Variants in FAAP100 observed in about 807,000 individuals in gnomAD.
The protein encoded by FAAP100 is FA core complex associated protein 100, also known as Fanconi anemia core complex-associated protein 100.
Under a neutral mutation model 65.8 loss-of-function variants are expected in FAAP100, and 46 were observed. That is an observed-to-expected ratio of 0.70 (90% CI 0.55 to 0.89). FAAP100 has a LOEUF of 0.89. FAAP100 is among the 40% of genes least tolerant of loss of function. The pLI, the probability that FAAP100 is intolerant of heterozygous loss-of-function variation, is 0.00. For synonymous variants in FAAP100, 663 were observed against 555.1 expected, an observed-to-expected ratio of 1.19 and a Z score of -2.73; for missense variants, 1,165 against 1,196.7, an observed-to-expected ratio of 0.97 and a Z score of 0.39.
Position 81,540,669 on chromosome 17 carries a change from TTCA to T in FAAP100, c.*147_*149del. On this transcript the variant is annotated 3_prime_UTR_variant, in exon 9 of 9. Coordinates refer to ENST00000327787, the MANE Select transcript of FAAP100 (RefSeq NM_025161.6). Reference sequence around the variant, plus strand: ...TTGTGCTCCACGGCCTCCAAGCACTTTCATGAGCGTTCTGCTCCTACGTGGCCA... The same window carrying T: ...TTGTGCTCCACGGCCTCCAAGCACTTTGAGCGTTCTGCTCCTACGTGGCCA... 2 of 1,090,784 alleles carry T rather than the reference TTCA, an allele frequency of 1.8e-6. No individual in the cohort carries two copies. The highest frequency in any genetic ancestry group is 2.5e-6 in the Non-Finnish European group (2 of 815,038). 67.6% of individuals were successfully genotyped at this position (1,090,784 alleles called of 1,614,324 possible).
rs1282563204 is a variant in FAAP100, at chr17:81,539,958, C to T, written c.*861G>A. Reference sequence around the variant, plus strand: ...TCACGGCTCCTACCCGCACTCATCGCGGACAGTGCCTGCAGCGGGAGCGGC... The same window carrying T: ...TCACGGCTCCTACCCGCACTCATCGTGGACAGTGCCTGCAGCGGGAGCGGC... On this transcript the variant is annotated 3_prime_UTR_variant, in exon 9 of 9. Coordinates refer to ENST00000327787, the MANE Select transcript of FAAP100 (RefSeq NM_025161.6). 3 of 398,722 alleles carry T rather than the reference C, an allele frequency of 7.5e-6. No homozygotes were observed. The highest frequency in any genetic ancestry group is 1.3e-5 in the Non-Finnish European group (3 of 226,144). 24.7% of individuals were successfully genotyped at this position (398,722 alleles called of 1,614,324 possible).
Position 81,551,088 on chromosome 17 carries a change from G to C in FAAP100, c.406C>G (p.Leu136Val). The change falls in exon 3 of 9, where the codon CTG becomes GTG. Residue 136 changes from leucine to valine, a missense_variant. Transcript: ENST00000327787. ...ACCAGGGTGACCAGCACACTGTCCAGCAAGGTGAACGCGCACAGCGCAGCA... is the reference window on the plus strand; with the variant it reads ...ACCAGGGTGACCAGCACACTGTCCACCAAGGTGAACGCGCACAGCGCAGCA... ...PDAALCAFTLLDSVLVTLVQG... is the reference protein window; with the variant it reads ...PDAALCAFTLVDSVLVTLVQG... 6.4e-7 allele frequency: 1 copy of C among 1,573,968 alleles called. No homozygotes were observed. The highest frequency in any genetic ancestry group is 8.6e-7 in the Non-Finnish European group (1 of 1,159,972).
intron 4 of FAAP100, chr17:81,547,953 G>A (rs757180699): frequency 1.2e-4 from 83 of 703,740 alleles, no homozygotes; most frequent in Non-Finnish European, 1.7e-4. Context: ...CTGGTGCTCC[G>A]GGGACCTAGG....
intron 4 of FAAP100, chr17:81,548,415 G>A (rs1010419331): frequency 3.0e-5 from 6 of 203,038 alleles, no homozygotes; most frequent in Non-Finnish European, 4.1e-5. Context: ...CCAAACAGTG[G>A]GACGCATGAG....
At chr17:81,545,059 A>C (rs1450005332) in intron 6 of FAAP100, among the ~76,000 whole-genome samples, 2 of 152,198 alleles carry the variant, frequency 1.3e-5, no homozygotes, top group Non-Finnish European at 2.9e-5. Flanking sequence ...AATCCCAGCT[A>C]CTCAGGAGGC....
chr17:81,552,160 G>A lies in FAAP100; in HGVS notation c.165+6C>T, dbSNP rs1210542172. The A allele has an allele frequency of 1.0e-5, 15 of 1,491,430 alleles. No homozygotes were observed. In the South Asian group the frequency reaches 1.8e-4, roughly 18 times the overall value. 92.4% of individuals were successfully genotyped at this position (1,491,430 alleles called of 1,614,324 possible). On this transcript the variant is annotated splice_donor_region_variant and intron_variant, in intron 1 of 8. Coordinates refer to ENST00000327787, the MANE Select transcript of FAAP100 (RefSeq NM_025161.6). ...GTCCCTCCCGCCCCCGCGGGCCGGC[G>A]CTCACGGTCAGCAGCCCGCCCTCCT...
At chr17:81,552,480 G>A, upstream of FAAP100, 1 of 687,376 alleles carries the variant, frequency 1.5e-6, no homozygotes, top group Non-Finnish European at 2.0e-6. Flanking sequence ...CGCGCTGCAG[G>A]GACTCCGGGA....
intron 2 of FAAP100, chr17:81,551,649 C>T: frequency 7.8e-7 from 1 of 1,277,142 alleles, no homozygotes; most frequent in Non-Finnish European, 1.0e-6. Flanking sequence ...GGGCGTGTCT[C>T]ACCAGACAGC....
chr17:81,551,363 C>T (rs778696090), intron 2 of FAAP100, among the ~76,000 whole-genome samples, 160 bp from the exon 3 acceptor site: 3 of 152,248 alleles, frequency 2.0e-5, no homozygotes, highest in Non-Finnish European at 2.9e-5. Flanking sequence ...ACCTTCCCCA[C>T]GAAGGATACT....
chr17:81,542,752 G>A (rs547975610), intron 7 of FAAP100, among the ~76,000 whole-genome samples: 2 of 152,328 alleles, frequency 1.3e-5, no homozygotes, highest in East Asian at 1.9e-4. Flanking sequence ...AGATGATCAA[G>A]ATGAGGTCAC....
intron 7 of FAAP100, among the ~76,000 whole-genome samples, chr17:81,542,262 C>T (rs1005933194): frequency 7.5e-6 from 1 of 132,898 alleles, no homozygotes; most frequent in South Asian, 2.5e-4. Context: ...GTGACAGAGC[C>T]TGTAATCCCA....
At chr17:81,545,643 C>A in intron 6 of FAAP100, 103 bp downstream of exon 6, 4 of 1,420,192 alleles carry the variant, frequency 2.8e-6, no homozygotes, top group Non-Finnish European at 3.8e-6. Context: ...GAAAAGGCTG[C>A]CAGGCCCCCA....
At chr17:81,548,957 G>A (rs565061611) in intron 4 of FAAP100, among the ~76,000 whole-genome samples, 36 of 145,178 alleles carry the variant, frequency 2.5e-4, no homozygotes, top group African/African-American at 8.2e-4. Context: ...GAAGAATGGC[G>A]TGAACCCGGG....
rs1313136288 is a variant in FAAP100, at chr17:81,540,021, A to T, written c.*798T>A. On this transcript the variant is annotated 3_prime_UTR_variant, in exon 9 of 9. Transcript: ENST00000327787. ...CCCAGATGAAAACACCAGCACCAGGAGGTGGGCCGTAGCCCAGGCTGAGGG... is the reference window on the plus strand; with the variant it reads ...CCCAGATGAAAACACCAGCACCAGGTGGTGGGCCGTAGCCCAGGCTGAGGG... 4 of 398,732 alleles carry T rather than the reference A, an allele frequency of 1.0e-5. No homozygotes were observed. Among genetic ancestry groups the T allele is most frequent in the Non-Finnish European group, 1.8e-5 (4 of 226,172 alleles). 24.7% of individuals were successfully genotyped at this position (398,732 alleles called of 1,614,324 possible).
Position 81,549,324 on chromosome 17 carries a change from G to A in FAAP100, c.1285C>T (p.Leu429=), listed in dbSNP as rs1280229050. 7 of 1,611,950 alleles carry A rather than the reference G, an allele frequency of 4.3e-6. No homozygotes were observed. Among genetic ancestry groups the A allele is most frequent in the Non-Finnish European group, 5.9e-6 (7 of 1,179,588 alleles). The change falls in exon 4 of 9, where the codon CTG becomes TTG. Residue 429 remains leucine (L), a synonymous_variant. Transcript: ENST00000327787. The part of the protein sequence containing the change: ...KLLALSAKGR[L]MTCSLDLDSE... ...TCCAGGTCCAGGCTGCAGGTCATCA[G>A]GCGGCCTTTGGCGGACAGGGCCAGG... is the stretch of plus-strand genomic sequence containing the variant.
chr17:81,550,306 T>G lies in FAAP100; in HGVS notation c.1188A>C (p.Pro396=), dbSNP rs367554467. ...CGACACTGCAGATGTTCAGGCTGGC[T>G]GGGCACAGCATGGGGGGCAGGCCTC... ...GPGGLPPMLC[P]ASLNICSVVS... Residue 396 remains proline, a synonymous_variant, in exon 3 of 9, where the codon CCA becomes CCC. Transcript: ENST00000327787. The G allele has an allele frequency of 4.3e-6, 7 of 1,612,606 alleles. No individual in the cohort carries two copies. The highest frequency in any genetic ancestry group is 5.9e-6 in the Non-Finnish European group (7 of 1,179,840).
rs182511071 is a variant in FAAP100 at position 81,540,154 on chromosome 17, T to C, written c.*665A>G. ...GGGTACTGCCCCGGCTGGAGGCACC[T>C]AGTTGTTGAGCATTCCGGCCACAGG... On this transcript the variant is annotated 3_prime_UTR_variant, in exon 9 of 9. Coordinates refer to ENST00000327787, the MANE Select transcript of FAAP100 (RefSeq NM_025161.6). 2.8e-5 allele frequency: 11 copies of C among 398,532 alleles called. No homozygotes were observed. The highest frequency in any genetic ancestry group is 4.9e-5 in the Non-Finnish European group (11 of 226,028). The allele number at this position is 398,532 out of a possible 1,614,324, so 24.7% of individuals were successfully genotyped here.
chr17:81,551,875 C>A (rs943846479), intron 2 of FAAP100, 53 bp downstream of exon 2: 2 of 1,483,104 alleles, frequency 1.3e-6, no homozygotes, highest in African/African-American at 1.5e-5. Flanking sequence ...CGCTCTGAAG[C>A]AGTCCGGGGG....
chr17:81,548,362 G>A (rs1053060134), intron 4 of FAAP100: 3 of 265,566 alleles, frequency 1.1e-5, no homozygotes, highest in Admixed American at 4.7e-5. Context: ...CTGCTGGGGG[G>A]CAGTCCCGGC....
Sources: gnomAD v4.1 joint callset for allele counts (sites outside exome capture counted in the v4.1 genomes callset) on GRCh38, gnomAD v4.1.1 for gene constraint, MANE v1.5 for transcripts, NCBI Gene and HGNC (gene_info 2026-07-23, HGNC 2026-07-21) for gene names.